The following EFCAB6 variants were observed in gnomAD, a reference collection of about 807,000 sequenced individuals.
EFCAB6 encodes the protein EF-hand calcium binding domain 6.
In EFCAB6, 156 loss-of-function variants were observed where a neutral mutation model predicts 169.8. That is an observed-to-expected ratio of 0.92 (90% CI 0.81 to 1.05). The LOEUF (loss-of-function observed/expected upper bound fraction) is 1.05, where lower values mean the gene tolerates loss of function less well. EFCAB6 is among the 50% of genes least tolerant of loss of function. The pLI, the probability that EFCAB6 is intolerant of heterozygous loss-of-function variation, is 0.00. For missense variants in EFCAB6, 1,800 were observed against 1,829.1 expected (o/e 0.98, Z 0.29); for synonymous variants, 698 against 676.4 (o/e 1.03, Z -0.50).
At chr22:43,718,055 T>TCCATACAC (rs2059394799) in intron 8 of EFCAB6, among the ~76,000 whole-genome samples, 1 of 103,552 alleles carries the variant, frequency 9.7e-6, no homozygotes, top group South Asian at 3.3e-4. Context: ...CATCCATCCA[T>TCCATACAC]CCATCCACCC....
chr22:43,548,611 T>C (rs951716136), intron 27 of EFCAB6, among the ~76,000 whole-genome samples: 3 of 121,370 alleles, frequency 2.5e-5, no homozygotes, highest in African/African-American at 6.3e-5. Flanking sequence ...TGAATATGCA[T>C]ACGTTTAATT....
At chr22:43,674,473 C>T (rs1245590324) in intron 13 of EFCAB6, among the ~76,000 whole-genome samples, 1 of 152,050 alleles carries the variant, frequency 6.6e-6, no homozygotes, top group African/African-American at 2.4e-5. Flanking sequence ...ACCTGGGTCA[C>T]GAGGAACTGG....
chr22:43,675,046 G>A (rs1292919997), intron 13 of EFCAB6, among the ~76,000 whole-genome samples: 2 of 151,838 alleles, frequency 1.3e-5, no homozygotes, highest in Non-Finnish European at 1.5e-5. Context: ...GGACGGGTAC[G>A]GGGTACAGCC....
chr22:43,579,531 C>T (rs572467213), intron 25 of EFCAB6, among the ~76,000 whole-genome samples: 1 of 149,534 alleles, frequency 6.7e-6, no homozygotes, highest in South Asian at 2.1e-4. Flanking sequence ...TACACATAGG[C>T]ATCATTCCGT....
chr22:43,743,688 A>G (rs532427901), intron 6 of EFCAB6, among the ~76,000 whole-genome samples: 138 of 152,340 alleles, frequency 9.1e-4, no homozygotes, highest in Admixed American at 2.7e-3. Context: ...ATGTCAGGGA[A>G]TATTAAGCGG....
In EFCAB6 at chr22:43,563,256, A is replaced by G. The variant is rs1372590836; in HGVS notation, c.3421-8160T>C. Among the ~76,000 whole-genome samples the G allele has an allele frequency of 2.6e-5, 4 of 152,304 alleles. 1 individual carries two copies. The South Asian group carries it at 8.3e-4, about 32-fold the overall frequency. ...TGCCCCTATCTTGTTACCTTGGGTA[A>G]GATGCACCCCTAAATTGGCCTCCCT... On this transcript the variant is annotated intron_variant, in intron 26 of 31. Coordinates refer to ENST00000262726, the MANE Select transcript of EFCAB6 (RefSeq NM_022785.4).
rs533722772 is a variant in EFCAB6 at position 43,581,198 on chromosome 22, T to C, written c.3033-539A>G. On this transcript the variant is annotated intron_variant, in intron 24 of 31. Coordinates refer to ENST00000262726, the MANE Select transcript of EFCAB6 (RefSeq NM_022785.4). ...GGCCTTAACCAAGAAGGGCCTGGACTTAGAAATTGCAGTGGGATTTAAAAG... is the reference window on the plus strand; with the variant it reads ...GGCCTTAACCAAGAAGGGCCTGGACCTAGAAATTGCAGTGGGATTTAAAAG... Among the ~76,000 whole-genome samples the C allele has an allele frequency of 2.0e-5, 3 of 152,222 alleles. 1 individual carries two copies. In the South Asian group the frequency reaches 6.2e-4, roughly 32 times the overall value.
chr22:43,772,438 G>A (rs776266070), intron 4 of EFCAB6, among the ~76,000 whole-genome samples: 29 of 152,052 alleles, frequency 1.9e-4, no homozygotes, highest in Non-Finnish European at 4.1e-4. Context: ...TCAGGAGTTC[G>A]AGACCAGCCT....
At chr22:43,687,860 C>G (rs2058262123) in intron 10 of EFCAB6, among the ~76,000 whole-genome samples, 1 of 152,140 alleles carries the variant, frequency 6.6e-6, no homozygotes, top group Non-Finnish European at 1.5e-5. Flanking sequence ...TAATAATGTC[C>G]ATAAAATAAT....
intron 2 of EFCAB6, among the ~76,000 whole-genome samples, chr22:43,806,402 A>C (rs1438428656): frequency 6.6e-6 from 1 of 151,880 alleles, no homozygotes; most frequent in Admixed American, 6.6e-5. Context: ...CTGCAGGTGC[A>C]TGCCACCACA....
At chr22:43,661,936 G>C (rs917754770) in intron 17 of EFCAB6, among the ~76,000 whole-genome samples, 1 of 152,104 alleles carries the variant, frequency 6.6e-6, no homozygotes, top group Non-Finnish European at 1.5e-5. Flanking sequence ...GACCAATATG[G>C]TGAAAACCAG....
chr22:43,649,485 T>A (rs371727290), intron 17 of EFCAB6, among the ~76,000 whole-genome samples: 11 of 152,184 alleles, frequency 7.2e-5, no homozygotes, highest in African/African-American at 2.7e-4. Flanking sequence ...AGCAAATAGA[T>A]AACATGTTTA....
intron 2 of EFCAB6, among the ~76,000 whole-genome samples, chr22:43,789,413 C>A (rs2062192987): frequency 1.3e-5 from 2 of 152,260 alleles, no homozygotes; most frequent in African/African-American, 4.8e-5. Flanking sequence ...AAGGTAGTTC[C>A]CTTTCAATAA....
chr22:43,634,669 G>C (rs1203764111), intron 18 of EFCAB6, among the ~76,000 whole-genome samples: 4 of 151,338 alleles, frequency 2.6e-5, no homozygotes, highest in East Asian at 1.9e-4. Flanking sequence ...AACATCCGGT[G>C]GGGGGCGGGC....
At chr22:43,569,103 C>T (rs138729894) in intron 26 of EFCAB6, among the ~76,000 whole-genome samples, 69 of 152,340 alleles carry the variant, frequency 4.5e-4, no homozygotes, top group African/African-American at 1.7e-3. Flanking sequence ...CTACCCTGTC[C>T]ATGCTACTGG....
intron 24 of EFCAB6, among the ~76,000 whole-genome samples, chr22:43,588,572 G>T (rs1348329008): frequency 6.6e-6 from 1 of 152,146 alleles, no homozygotes; most frequent in Admixed American, 6.6e-5. Context: ...TAAAATATGT[G>T]AGAGAACAGT....
chr22:43,538,704 G>A (rs965026784), intron 28 of EFCAB6, among the ~76,000 whole-genome samples: 2 of 152,096 alleles, frequency 1.3e-5, no homozygotes, highest in African/African-American at 4.8e-5. Context: ...GGTCTTTAAA[G>A]AGTCCCTCAG....
chr22:43,803,374 A>G (rs1050279417), intron 2 of EFCAB6, among the ~76,000 whole-genome samples: 1 of 152,214 alleles, frequency 6.6e-6, no homozygotes, highest in African/African-American at 2.4e-5. Flanking sequence ...GCATCAAATG[A>G]AAACTTCATA....
chr22:43,767,180 C>T (rs2061347241), intron 4 of EFCAB6, among the ~76,000 whole-genome samples: 1 of 152,156 alleles, frequency 6.6e-6, no homozygotes, highest in Non-Finnish European at 1.5e-5. Context: ...ATTTACTAAG[C>T]CCTTAAAATG....
Sources: gnomAD v4.1 joint callset for allele counts (sites outside exome capture counted in the v4.1 genomes callset) on GRCh38, gnomAD v4.1.1 for gene constraint, MANE v1.5 for transcripts, NCBI Gene and HGNC (gene_info 2026-07-23, HGNC 2026-07-21) for gene names.